Variants in ZFAT observed in about 807,000 individuals in gnomAD.
ZFAT encodes the protein zinc finger protein ZFAT.
A neutral mutation model predicts 117.7 loss-of-function variants in ZFAT; 64 were observed. That is an observed-to-expected ratio of 0.54 (90% CI 0.44 to 0.67). The LOEUF is 0.67. Among genes scored for constraint, ZFAT ranks in the 30% least tolerant of loss-of-function variants. The pLI, the probability that ZFAT is intolerant of heterozygous loss-of-function variation, is 0.00. For missense variants in ZFAT, 1,433 were observed against 1,584.5 expected (o/e 0.90, Z 1.62); for synonymous variants, 679 against 615.0 (o/e 1.10, Z -1.54).
At chr8:134,691,053 T>G (rs1833559537) in intron 1 of ZFAT, among the ~76,000 whole-genome samples, 1 of 152,242 alleles carries the variant, frequency 6.6e-6, no homozygotes, top group Non-Finnish European at 1.5e-5. Context: ...AGTGTCCAAG[T>G]CCAGCTTCCC....
upstream of ZFAT, among the ~76,000 whole-genome samples, chr8:134,714,037 G>GTTTTC (rs57629839): frequency 0.89 from 132,444 of 149,212 alleles, 58,955 homozygotes; most frequent in African/African-American, 0.91. Context: ...GTCATATAAA[G>GTTTTC]TTTTTAAATT....
At chr8:134,803,879 T>G in the ZFAT span, among the ~76,000 whole-genome samples, 1 of 152,218 alleles carries the variant, frequency 6.6e-6, no homozygotes, top group Non-Finnish European at 1.5e-5. Context: ...TACATTAGAT[T>G]GGCAAGACCT....
In ZFAT at chr8:134,478,796, C is replaced by T; in HGVS notation, c.3493-75G>A. On this transcript the variant is annotated intron_variant, in intron 15 of 15. Transcript: ENST00000377838. This position sits in a 1 kb window ranked among gnomAD's most constrained non-coding sequence, Gnocchi z 5.2. Reference sequence around the variant, plus strand: ...CAGCGTAACAACAAAGTCACAACTACAGTTTAGGAGGCACCAGTGCGCTGC... The same window carrying T: ...CAGCGTAACAACAAAGTCACAACTATAGTTTAGGAGGCACCAGTGCGCTGC... 6.6e-7 allele frequency: 1 copy of T among 1,508,258 alleles called. No homozygotes were observed. Among genetic ancestry groups the T allele is most frequent in the Non-Finnish European group, 8.9e-7 (1 of 1,128,088 alleles). The allele number at this position is 1,508,258 out of a possible 1,614,324, so 93.4% of individuals were successfully genotyped here. A position where few individuals can be genotyped will look rare whatever the true frequency, so the allele number is the denominator to read the frequency against.
chr8:134,605,451 C>T (rs1044391806), intron 5 of ZFAT, among the ~76,000 whole-genome samples: 9 of 151,380 alleles, frequency 5.9e-5, no homozygotes, highest in East Asian at 2.0e-4. Context: ...GAGGCTGAGG[C>T]GGGAGAATGG....
chr8:134,540,761 C>A (rs1247344630), intron 11 of ZFAT, among the ~76,000 whole-genome samples: 3 of 152,164 alleles, frequency 2.0e-5, no homozygotes, highest in Non-Finnish European at 4.4e-5. Flanking sequence ...CGCCATCTAG[C>A]GGACTGGGAA....
At chr8:134,711,513 T>C (rs1047924247) in intron 1 of ZFAT, among the ~76,000 whole-genome samples, 1 of 152,160 alleles carries the variant, frequency 6.6e-6, no homozygotes, top group Non-Finnish European at 1.5e-5. Flanking sequence ...TCACAGCTAC[T>C]TGGCAGGCTG....
At chr8:134,713,122 G>C (rs978033303), upstream of ZFAT, 3 of 385,130 alleles carry the variant, frequency 7.8e-6, no homozygotes, top group Admixed American at 4.6e-5. Context: ...AGCGCGGCCC[G>C]GCAGGGCCGA....
chr8:134,672,447 A>C (rs975232878), intron 1 of ZFAT, among the ~76,000 whole-genome samples: 1 of 152,228 alleles, frequency 6.6e-6, no homozygotes, highest in African/African-American at 2.4e-5. Flanking sequence ...TAGGAGATAT[A>C]CCTAATGTAA....
the ZFAT span, among the ~76,000 whole-genome samples, chr8:134,774,131 G>A: frequency 6.6e-6 from 1 of 151,718 alleles, no homozygotes; most frequent in Non-Finnish European, 1.5e-5. Context: ...GAGTAGCTGG[G>A]ATTTTAGGCA....
chr8:134,783,244 G>T, the ZFAT span, among the ~76,000 whole-genome samples: 2 of 152,064 alleles, frequency 1.3e-5, no homozygotes, highest in Admixed American at 1.3e-4. Context: ...TAAGTCAAGG[G>T]TCCCCATCCC....
chr8:134,552,165 C>A (rs1159124465), intron 11 of ZFAT, among the ~76,000 whole-genome samples: 1 of 152,010 alleles, frequency 6.6e-6, no homozygotes, highest in South Asian at 2.1e-4. Flanking sequence ...AGACTTGTAA[C>A]CCTGGCAGAC....
chr8:134,688,195 A>C (rs2131320144), intron 1 of ZFAT, among the ~76,000 whole-genome samples: 1 of 152,254 alleles, frequency 6.6e-6, no homozygotes, highest in African/African-American at 2.4e-5. Context: ...AGAACAGAGA[A>C]TTTTTTAAAT....
At chr8:134,599,406 T>C (rs759156121) in intron 7 of ZFAT, 2 of 228,024 alleles carry the variant, frequency 8.8e-6, no homozygotes, top group Non-Finnish European at 8.8e-6. Context: ...TATATGCATA[T>C]GTGTGTGGAT....
chr8:134,602,370 T>C lies in ZFAT; in HGVS notation c.1349A>G (p.His450Arg), dbSNP rs1365019833. The part of the protein sequence containing the change: ...GATKYQALEL[H>R]VRKHPFVYVC... Reference sequence around the variant, plus strand: ...GTACACGAAGGGGTGCTTCCTGACATGCAGTTCCAGCGCCTGGTACTTGGT... The same window carrying C: ...GTACACGAAGGGGTGCTTCCTGACACGCAGTTCCAGCGCCTGGTACTTGGT... Residue 450 changes from histidine to arginine, a missense_variant, in exon 6 of 16, where the codon CAT becomes CGT. Coordinates refer to ENST00000377838, the MANE Select transcript of ZFAT (RefSeq NM_020863.4). The C allele has an allele frequency of 1.9e-6, 3 of 1,613,744 alleles. No individual in the cohort carries two copies. The highest frequency in any genetic ancestry group is 2.5e-6 in the Non-Finnish European group (3 of 1,180,050).
chr8:134,805,956 G>A, the ZFAT span, among the ~76,000 whole-genome samples: 18 of 151,924 alleles, frequency 1.2e-4, no homozygotes, highest in South Asian at 8.3e-4. Flanking sequence ...CAGCCTGGGC[G>A]ACAGAGTGAG....
At chr8:134,661,040 G>A (rs1206264480) in intron 1 of ZFAT, among the ~76,000 whole-genome samples, 4 of 152,250 alleles carry the variant, frequency 2.6e-5, no homozygotes, top group African/African-American at 4.8e-5. Context: ...AACCTGGAAC[G>A]ATTCTCACAT....
intron 10 of ZFAT, among the ~76,000 whole-genome samples, chr8:134,571,878 T>C (rs192713464): frequency 6.6e-6 from 1 of 152,344 alleles, no homozygotes; most frequent in East Asian, 1.9e-4. Flanking sequence ...CTTTCTTATT[T>C]CTGGTACAAT....
chr8:134,637,182 G>C (rs1563708393), intron 3 of ZFAT, among the ~76,000 whole-genome samples: 1 of 152,226 alleles, frequency 6.6e-6, no homozygotes, highest in Non-Finnish European at 1.5e-5. Flanking sequence ...GCTCAGCAAA[G>C]AGAGAGGCTG....
chr8:134,606,742 A>C (rs1479914693), intron 5 of ZFAT, among the ~76,000 whole-genome samples: 2 of 152,032 alleles, frequency 1.3e-5, no homozygotes, highest in Non-Finnish European at 2.9e-5. Flanking sequence ...AAAAAAAAAA[A>C]AAAAAAGTTT....
Sources: gnomAD v4.1 joint callset for allele counts (sites outside exome capture counted in the v4.1 genomes callset) on GRCh38, gnomAD v4.1.1 for gene constraint, Gnocchi (gnomAD v3.1) non-coding constraint, MANE v1.5 for transcripts, NCBI Gene and HGNC (gene_info 2026-07-23, HGNC 2026-07-21) for gene names.